Variants in PDE9A observed in about 807,000 individuals in gnomAD.
PDE9A encodes phosphodiesterase 9A, also known as high affinity cGMP-specific 3',5'-cyclic phosphodiesterase 9A.
PDE9A carries 60 observed loss-of-function variants against 87.4 expected under a neutral mutation model. The ratio of observed to expected loss-of-function variants is 0.69; its 90% CI spans 0.56 to 0.85. The LOEUF (loss-of-function observed/expected upper bound fraction) is 0.85, where lower values mean the gene tolerates loss of function less well. Among genes scored for constraint, PDE9A ranks in the 40% least tolerant of loss-of-function variants. The pLI, the probability that PDE9A is intolerant of heterozygous loss-of-function variation, is 0.00. For synonymous variants in PDE9A, 272 were observed against 279.4 expected (o/e 0.97, Z 0.27); for missense variants, 665 against 779.0 (o/e 0.85, Z 1.74).
At chr21:42,654,505 C>G (rs1415016475) in intron 1 of PDE9A, among the ~76,000 whole-genome samples, 1 of 152,194 alleles carries the variant, frequency 6.6e-6, no homozygotes, top group African/African-American at 2.4e-5. Flanking sequence ...GTTCGTGGCC[C>G]CCTCTGACGG....
In PDE9A at chr21:42,759,061, C is replaced by T. The variant is rs1159159460; in HGVS notation, c.873C>T (p.Asn291=). The change falls in exon 11 of 20, where the codon AAC becomes AAT. Residue 291 remains asparagine, a synonymous_variant. Transcript: ENST00000291539. This position sits in a 1 kb window ranked among gnomAD's most constrained non-coding sequence, Gnocchi z 7.2. ...GGCTGGTCAGGGACTTCAGCATCAACCCTGTCACCCTCAGGAGGTGGCTGG... is the reference window on the plus strand; with the variant it reads ...GGCTGGTCAGGGACTTCAGCATCAATCCTGTCACCCTCAGGAGGTGGCTGG... ...DLGLVRDFSI[N]PVTLRRWLFC... is the part of the protein sequence containing the mutation. The T allele has an allele frequency of 2.5e-6, 4 of 1,613,826 alleles. No homozygotes were observed. The highest frequency in any genetic ancestry group is 1.3e-5 in the African/African-American group (1 of 74,934).
In PDE9A at chr21:42,724,535, G is replaced by A. The variant is rs2050842112; in HGVS notation, c.263-7235G>A. 23 of 974,004 alleles carry A rather than the reference G, an allele frequency of 2.4e-5. No homozygotes were observed. The Admixed American group carries it at 8.6e-4, about 36-fold the overall frequency. 60.3% of individuals were successfully genotyped at this position (974,004 alleles called of 1,614,324 possible). A position where few individuals can be genotyped will look rare whatever the true frequency, so the allele number is the denominator to read the frequency against. ...GTGGTTGGCCTTTGTGCACACTGGTGGTTTTGCTTCTTTCCCCCAGCAAAA... is the reference window on the plus strand; with the variant it reads ...GTGGTTGGCCTTTGTGCACACTGGTAGTTTTGCTTCTTTCCCCCAGCAAAA... On this transcript the variant is annotated intron_variant, in intron 4 of 19. Coordinates refer to ENST00000291539, the MANE Select transcript of PDE9A (RefSeq NM_002606.3).
chr21:42,698,905 C>A (rs2060289520), intron 3 of PDE9A, 63 bp from the exon 4 acceptor site: 1 of 1,090,338 alleles, frequency 9.2e-7, no homozygotes, highest in Non-Finnish European at 1.4e-6. Context: ...GCTTATCTCT[C>A]CTGCCAGGCA....
At chr21:42,667,769 C>T (rs941860991) in intron 1 of PDE9A, among the ~76,000 whole-genome samples, 2 of 152,146 alleles carry the variant, frequency 1.3e-5, no homozygotes, top group African/African-American at 4.8e-5. Flanking sequence ...AAGTTCCCTC[C>T]TCCCGACCCC....
intron 1 of PDE9A, among the ~76,000 whole-genome samples, chr21:42,657,238 C>T (rs2057144187): frequency 6.6e-6 from 1 of 152,240 alleles, no homozygotes; most frequent in South Asian, 2.1e-4. Flanking sequence ...AGCATCTGCA[C>T]CGGCCTGTTC....
At chr21:42,731,149 G>C (rs2051691411) in intron 4 of PDE9A, among the ~76,000 whole-genome samples, 1 of 152,134 alleles carries the variant, frequency 6.6e-6, no homozygotes, top group South Asian at 2.1e-4. Context: ...GTAGAGACGG[G>C]GTTTCTCCAT....
At chr21:42,753,929 A>C (rs983511970) in intron 9 of PDE9A, 61 bp from the exon 10 acceptor site, 1 of 816,254 alleles carries the variant, frequency 1.2e-6, no homozygotes, top group African/African-American at 1.7e-5. Context: ...ATATCTCAGC[A>C]TGCACATCAC....
intron 14 of PDE9A, among the ~76,000 whole-genome samples, chr21:42,764,398 G>C (rs1569270520): frequency 6.6e-6 from 1 of 152,224 alleles, no homozygotes; most frequent in South Asian, 2.1e-4. Flanking sequence ...ATCTTCGTCT[G>C]CAGTAGGTCA....
At chr21:42,669,154 AAC>A (rs2058239381) in intron 1 of PDE9A, among the ~76,000 whole-genome samples, 1 of 152,118 alleles carries the variant, frequency 6.6e-6, no homozygotes, top group African/African-American at 2.4e-5. Flanking sequence ...AAACAACAGA[AAC>A]GGATTATCTC....
In PDE9A at chr21:42,699,686, G is replaced by GCAC. The variant is rs536085629; in HGVS notation, c.262+676_262+677insACC. On this transcript the variant is annotated intron_variant, in intron 4 of 19. Transcript: ENST00000291539. ...TTCTCCTGCCTCACCCTCCCAGGTA[G>GCAC]CTGGGATTACAGGCGTGCACCACCA... is the stretch of plus-strand genomic sequence containing the variant. Among the ~76,000 whole-genome samples, 19 of 152,162 alleles carry GCAC rather than the reference G, an allele frequency of 1.2e-4. No homozygotes were observed. In the South Asian group the frequency reaches 1.9e-3, roughly 15 times the overall value.
At chr21:42,715,306 C>T (rs2049793425) in intron 4 of PDE9A, among the ~76,000 whole-genome samples, 1 of 151,480 alleles carries the variant, frequency 6.6e-6, no homozygotes, top group Non-Finnish European at 1.5e-5. Flanking sequence ...TCAGCCTCTG[C>T]CACCGTCAAC....
At chr21:42,752,515 C>T (rs1388170339) in intron 9 of PDE9A, among the ~76,000 whole-genome samples, 1 of 152,164 alleles carries the variant, frequency 6.6e-6, no homozygotes, top group Non-Finnish European at 1.5e-5. Context: ...GTGATCCACC[C>T]ACCTCAGCAT....
rs1483235933 is a variant in PDE9A at position 42,769,125 on chromosome 21, C to T, written c.1560C>T (p.Val520=). The part of the protein sequence containing the change: ...ATAQIGFIKF[V]LIPMFETVTK... ...CCCAGATTGGGTTCATCAAGTTTGT[C>T]CTGATCCCAATGTTTGAAACAGTGA... Residue 520 remains valine (V), a synonymous_variant, in exon 17 of 20, where the codon GTC becomes GTT. Coordinates refer to ENST00000291539, the MANE Select transcript of PDE9A (RefSeq NM_002606.3). The T allele has an allele frequency of 4.3e-6, 7 of 1,613,714 alleles. No homozygotes were observed. Among genetic ancestry groups the T allele is most frequent in the Admixed American group, 1.7e-5 (1 of 59,976 alleles).
chr21:42,687,835 G>A, intron 2 of PDE9A, 82 bp from the exon 3 acceptor site: 3 of 1,218,024 alleles, frequency 2.5e-6, no homozygotes, highest in Non-Finnish European at 3.6e-6. Flanking sequence ...GTTGTCTCAG[G>A]GCTCTGGCCC....
intron 7 of PDE9A, chr21:42,741,021 C>A (rs1406469833): frequency 2.0e-5 from 3 of 152,148 alleles, no homozygotes; most frequent in African/African-American, 7.2e-5. Flanking sequence ...GGTCCATGGA[C>A]CTTGGACAGA....
rs1012235362 is a variant in PDE9A at position 42,723,577 on chromosome 21, C to T, written c.263-8193C>T. 1.3e-5 allele frequency among the ~76,000 whole-genome samples: 2 copies of T among 152,170 alleles called. No homozygotes were observed. Among genetic ancestry groups the T allele is most frequent in the African/African-American group, 4.8e-5 (2 of 41,440 alleles). On this transcript the variant is annotated intron_variant, in intron 4 of 19. Transcript: ENST00000291539. The surrounding 1 kb of genome is among the most constrained non-coding windows in gnomAD (Gnocchi z 4.3). ...AAATCCCCATCAGCTTGGAGCAGCA[C>T]CATGAAATCCACTCTAGCATGCAGA... is the stretch of plus-strand genomic sequence containing the variant.
rs560564221 is a variant in PDE9A, at chr21:42,696,279, G to T, written c.219-2689G>T. 6.6e-6 allele frequency among the ~76,000 whole-genome samples: 1 copy of T among 152,150 alleles called. No individual in the cohort carries two copies. Among genetic ancestry groups the T allele is most frequent in the African/African-American group, 2.4e-5 (1 of 41,434 alleles). ...GACACGCCTCTCTGGCTCTGTCCCC[G>T]CCGGCACTGTGTGGGATCCATGCTG... On this transcript the variant is annotated intron_variant, in intron 3 of 19. Coordinates refer to ENST00000291539, the MANE Select transcript of PDE9A (RefSeq NM_002606.3). The surrounding 1 kb of genome is among the most constrained non-coding windows in gnomAD (Gnocchi z 5.1).
chr21:42,724,692 G>T, intron 4 of PDE9A: 5 of 651,536 alleles, frequency 7.7e-6, no homozygotes, highest in Non-Finnish European at 9.5e-6. Context: ...GCGCAGCTTT[G>T]TGTCTGTACC....
intron 1 of PDE9A, among the ~76,000 whole-genome samples, chr21:42,669,519 G>C (rs1273860146): frequency 6.6e-6 from 1 of 152,156 alleles, no homozygotes; most frequent in African/African-American, 2.4e-5. Flanking sequence ...CCAAGAGAAG[G>C]GACATTAAAT....
Sources: gnomAD v4.1 joint callset for allele counts (sites outside exome capture counted in the v4.1 genomes callset) on GRCh38, gnomAD v4.1.1 for gene constraint, Gnocchi (gnomAD v3.1) non-coding constraint, MANE v1.5 for transcripts, NCBI Gene and HGNC (gene_info 2026-07-23, HGNC 2026-07-21) for gene names.